LARP4B: variants seen among roughly 807,000 people sequenced by gnomAD.
LARP4B encodes the protein la-related protein 4B.
Under a neutral mutation model 89.8 loss-of-function variants are expected in LARP4B, and 12 were observed. The ratio of observed to expected loss-of-function variants is 0.13; its 90% CI spans 0.09 to 0.22. The LOEUF (loss-of-function observed/expected upper bound fraction) is 0.22. Among genes scored for constraint, LARP4B ranks in the 10% least tolerant of loss-of-function variants. The probability of loss-of-function intolerance (pLI) is 1.00; values close to 1 mark genes in which losing one functional copy is unlikely to be tolerated. For synonymous variants in LARP4B, 367 were observed against 363.3 expected (o/e 1.01, Z -0.12); for missense variants, 757 against 947.7 (o/e 0.80, Z 2.64).
At chr10:850,481 G>GATAAAACTAAAACTGATA (rs1564404993) in intron 5 of LARP4B, among the ~76,000 whole-genome samples, 3 of 152,292 alleles carry the variant, frequency 2.0e-5, no homozygotes, top group Admixed American at 2.0e-4. Context: ...CAAAATACGT[G>GATAAAACTAAAACTGATA]AAGCAAAAAC....
chr10:922,230 G>A (rs866412209), intron 1 of LARP4B, among the ~76,000 whole-genome samples: 1 of 152,200 alleles, frequency 6.6e-6, no homozygotes, highest in Non-Finnish European at 1.5e-5. Flanking sequence ...AGAATCTAGC[G>A]CAACTGCTCA....
intron 1 of LARP4B, among the ~76,000 whole-genome samples, chr10:925,564 C>T (rs1274121620): frequency 6.6e-6 from 1 of 152,082 alleles, no homozygotes; most frequent in South Asian, 2.1e-4. Flanking sequence ...GACAGAGCCT[C>T]ACTCTGTCGC....
chr10:869,724 A>C (rs1475403626), intron 3 of LARP4B, among the ~76,000 whole-genome samples: 2 of 151,902 alleles, frequency 1.3e-5, no homozygotes, highest in Non-Finnish European at 1.5e-5. Context: ...CCATCTCTAA[A>C]AATACAAAAA....
At chr10:972,533 T>A in the LARP4B span, 1,778 of 457,164 alleles carry the variant, frequency 3.9e-3, 29 homozygotes, top group African/African-American at 0.032. Context: ...GGGGTTCATG[T>A]CCACTCATGT....
chr10:823,830 C>T (rs1326651335), intron 13 of LARP4B, among the ~76,000 whole-genome samples: 1 of 152,124 alleles, frequency 6.6e-6, no homozygotes, highest in African/African-American at 2.4e-5. Context: ...TTTGGCTTTG[C>T]ATCTCCAAGG....
At chr10:884,285 C>T (rs1031374948) in intron 3 of LARP4B, among the ~76,000 whole-genome samples, 162 bp downstream of exon 3, 3 of 152,164 alleles carry the variant, frequency 2.0e-5, no homozygotes, top group Non-Finnish European at 4.4e-5. Context: ...TTGACAGTTA[C>T]CATACCCAGG....
At chr10:924,017 T>C (rs902688416) in intron 1 of LARP4B, among the ~76,000 whole-genome samples, 1 of 152,148 alleles carries the variant, frequency 6.6e-6, no homozygotes, top group African/African-American at 2.4e-5. Flanking sequence ...TGGGACTGCT[T>C]GAACCCAGGA....
intron 3 of LARP4B, among the ~76,000 whole-genome samples, chr10:880,516 T>A (rs1193769568): frequency 6.6e-6 from 1 of 152,022 alleles, no homozygotes; most frequent in Non-Finnish European, 1.5e-5. Flanking sequence ...CGAAACCCCA[T>A]CTCTACGAAA....
chr10:807,222 T>C (rs186109531), downstream of LARP4B: 2 of 152,360 alleles, frequency 1.3e-5, no homozygotes, highest in Admixed American at 6.5e-5. Context: ...GCGTGGAGTA[T>C]GTCCCGTTAG....
At chr10:907,731 T>C (rs1053184909) in intron 1 of LARP4B, among the ~76,000 whole-genome samples, 1 of 152,204 alleles carries the variant, frequency 6.6e-6, no homozygotes, top group Non-Finnish European at 1.5e-5. Context: ...ACTAATGATA[T>C]GACTGGGCTG....
chr10:937,822 G>A, the LARP4B span, among the ~76,000 whole-genome samples: 26 of 152,166 alleles, frequency 1.7e-4, no homozygotes, highest in African/African-American at 5.6e-4. Context: ...GATTAGCTCC[G>A]AGGTCAGAGG....
chr10:809,592 T>C lies in LARP4B; in HGVS notation c.*3334A>G, dbSNP rs759527624. On this transcript the variant is annotated 3_prime_UTR_variant, in exon 18 of 18. Transcript: ENST00000316157. Reference sequence around the variant, plus strand: ...TCATAACCTACATTTTTTTTCAAATTAGACAGTTTTACACTGAATGACACA... The same window carrying C: ...TCATAACCTACATTTTTTTTCAAATCAGACAGTTTTACACTGAATGACACA... The C allele has an allele frequency of 1.3e-5, 2 of 152,622 alleles. No individual in the cohort carries two copies. The highest frequency in any genetic ancestry group is 2.9e-5 in the Non-Finnish European group (2 of 68,052). 9.5% of individuals were successfully genotyped at this position (152,622 alleles called of 1,614,324 possible).
At chr10:899,993 C>T (rs951857730) in intron 1 of LARP4B, among the ~76,000 whole-genome samples, 1 of 151,532 alleles carries the variant, frequency 6.6e-6, no homozygotes, top group Non-Finnish European at 1.5e-5. Flanking sequence ...CCCTTTGAAG[C>T]TACATAAATT....
At position 814,923 on chromosome 10, in the gene LARP4B, G is replaced by GCTGGAAGAA. The variant is rs745385340; in HGVS notation, c.1820+14_1820+22dup. ...CATTCAAGTCAGTCAACACCAAGGC[G>GCTGGAAGAA]CTGGAAGAACACCAATACTCACTCG... On this transcript the variant is annotated intron_variant, in intron 16 of 17. Coordinates refer to ENST00000316157, the MANE Select transcript of LARP4B (RefSeq NM_015155.3). This position sits in a 1 kb window ranked among gnomAD's most constrained non-coding sequence, Gnocchi z 4.4. 4 of 1,577,622 alleles carry GCTGGAAGAA rather than the reference G, an allele frequency of 2.5e-6. No individual in the cohort carries two copies. The East Asian group carries it at 9.0e-5, about 36-fold the overall frequency.
intron 7 of LARP4B, 80 bp from the exon 8 acceptor site, chr10:836,586 C>T: frequency 2.3e-6 from 2 of 862,440 alleles, no homozygotes; most frequent in Non-Finnish European, 3.7e-6. Context: ...CATTATATTA[C>T]TATATTACTA....
At chr10:882,579 G>C (rs1835713969) in intron 3 of LARP4B, among the ~76,000 whole-genome samples, 1 of 152,080 alleles carries the variant, frequency 6.6e-6, no homozygotes, top group Admixed American at 6.6e-5. Flanking sequence ...AGTAGGGACG[G>C]GGTTTCACCG....
intron 3 of LARP4B, among the ~76,000 whole-genome samples, chr10:868,615 T>C (rs1463547037): frequency 6.6e-6 from 1 of 152,236 alleles, no homozygotes; most frequent in Non-Finnish European, 1.5e-5. Context: ...ATGTCACTTC[T>C]GTAAAAGATT....
intron 3 of LARP4B, among the ~76,000 whole-genome samples, chr10:871,524 T>G (rs1056769380): frequency 6.6e-6 from 1 of 152,110 alleles, no homozygotes; most frequent in African/African-American, 2.4e-5. Flanking sequence ...ACGCCAATTC[T>G]GTCCTCTTCT....
chr10:986,065 G>C, the LARP4B span: 1 of 148,510 alleles, frequency 6.7e-6, no homozygotes, highest in East Asian at 2.0e-4. Flanking sequence ...GCCTACTGAT[G>C]GCTAATCCCC....
Sources: allele counts gnomAD v4.1 joint callset (sites outside exome capture counted in the v4.1 genomes callset), GRCh38; gene constraint gnomAD v4.1.1; non-coding constraint Gnocchi (gnomAD v3.1); transcripts MANE v1.5; gene names NCBI Gene and HGNC (gene_info 2026-07-23, HGNC 2026-07-21).